Variants in PCDH15 observed in about 807,000 individuals in gnomAD.
The protein encoded by PCDH15 is protocadherin-15.
A neutral mutation model predicts 178.5 loss-of-function variants in PCDH15; 129 were observed. The observed-to-expected ratio is 0.72, with a 90% confidence interval of 0.63 to 0.84. PCDH15 has a LOEUF of 0.84. Among genes scored for constraint, PCDH15 ranks in the 40% least tolerant of loss-of-function variants. The probability of loss-of-function intolerance (pLI) is 0.00; values close to 1 mark genes in which losing one functional copy is unlikely to be tolerated. For synonymous variants in PCDH15, 800 were observed against 732.0 expected (o/e 1.09, Z -1.50); for missense variants, 2,230 against 2,099.9 (o/e 1.06, Z -1.21).
At chr10:54,111,058 G>A (rs1242403762) in intron 15 of PCDH15, among the ~76,000 whole-genome samples, 2 of 152,206 alleles carry the variant, frequency 1.3e-5, no homozygotes, top group East Asian at 3.9e-4. Context: ...ATACTTATTA[G>A]CAGTTTATTG....
chr10:54,044,038 G>A (rs2093606597), intron 18 of PCDH15, among the ~76,000 whole-genome samples: 1 of 152,064 alleles, frequency 6.6e-6, no homozygotes, highest in African/African-American at 2.4e-5. Flanking sequence ...AGTAGAAAAG[G>A]ATTATTCCCA....
intron 14 of PCDH15, among the ~76,000 whole-genome samples, chr10:54,136,285 G>A (rs898256864): frequency 9.9e-5 from 15 of 152,020 alleles, no homozygotes; most frequent in South Asian, 8.3e-4. Flanking sequence ...CTCATGAAAA[G>A]TACAATATGT....
intron 2 of PCDH15, among the ~76,000 whole-genome samples, chr10:55,466,470 G>A (rs1163405302): frequency 2.6e-5 from 4 of 152,072 alleles, no homozygotes; most frequent in Admixed American, 2.0e-4. Context: ...CACTTTCAGC[G>A]CCTACATCCG....
At chr10:55,222,685 A>G (rs1283165925) in intron 1 of PCDH15, among the ~76,000 whole-genome samples, 5 of 144,866 alleles carry the variant, frequency 3.5e-5, no homozygotes, top group African/African-American at 1.3e-4. Context: ...TGTCATCTAC[A>G]AGTAATGATA....
At chr10:55,529,008 G>C (rs1841381969) in intron 2 of PCDH15, among the ~76,000 whole-genome samples, 1 of 151,826 alleles carries the variant, frequency 6.6e-6, no homozygotes, top group Admixed American at 6.6e-5. Context: ...TGTGTTTTTT[G>C]GCTGCATAAA....
At chr10:54,552,717 T>C in intron 2 of PCDH15, among the ~76,000 whole-genome samples, 1 of 152,148 alleles carries the variant, frequency 6.6e-6, no homozygotes, top group African/African-American at 2.4e-5. Flanking sequence ...GTAAAAGTAG[T>C]ATTAACTATT....
chr10:54,263,937 G>A (rs2057498347), intron 8 of PCDH15, among the ~76,000 whole-genome samples: 1 of 152,150 alleles, frequency 6.6e-6, no homozygotes, highest in Non-Finnish European at 1.5e-5. Context: ...GGCAGGAGAA[G>A]ACAGAAGAGC....
At chr10:55,303,630 T>G (rs1468624113) in intron 1 of PCDH15, among the ~76,000 whole-genome samples, 1 of 152,194 alleles carries the variant, frequency 6.6e-6, no homozygotes, top group Non-Finnish European at 1.5e-5. Flanking sequence ...GAGTGAATTT[T>G]GGTAGTTGGT....
At chr10:54,630,067 ACTG>A (rs2093660418) in intron 2 of PCDH15, among the ~76,000 whole-genome samples, 1 of 152,168 alleles carries the variant, frequency 6.6e-6, no homozygotes. Flanking sequence ...ATTACAAAAT[ACTG>A]CTGAATGAAA....
chr10:55,409,207 A>C (rs1359818902), intron 2 of PCDH15, among the ~76,000 whole-genome samples: 2 of 152,092 alleles, frequency 1.3e-5, no homozygotes, highest in Non-Finnish European at 2.9e-5. Flanking sequence ...ATGTGTATAC[A>C]TAAAAAGTGC....
chr10:54,500,940 G>A (rs1237950778), intron 3 of PCDH15, among the ~76,000 whole-genome samples: 1 of 152,058 alleles, frequency 6.6e-6, no homozygotes, highest in Non-Finnish European at 1.5e-5. Context: ...CCTTTGCAGG[G>A]ACATAGATGA....
chr10:55,043,336 G>T (rs1385929487), intron 2 of PCDH15, among the ~76,000 whole-genome samples: 15 of 151,932 alleles, frequency 9.9e-5, no homozygotes, highest in Non-Finnish European at 1.5e-5. Context: ...ATATCTGGAT[G>T]CACTCACCTG....
intron 2 of PCDH15, among the ~76,000 whole-genome samples, chr10:54,594,820 C>T (rs937646714): frequency 8.5e-5 from 13 of 152,132 alleles, no homozygotes; most frequent in African/African-American, 3.1e-4. Flanking sequence ...CATTGGAGGG[C>T]ATATAGTTTG....
chr10:55,618,107 A>G (rs761942764), intron 2 of PCDH15, among the ~76,000 whole-genome samples: 22 of 152,080 alleles, frequency 1.4e-4, no homozygotes, highest in Non-Finnish European at 1.5e-4. Context: ...ATACAATTCT[A>G]GAAGAATCCA....
chr10:55,385,364 T>C (rs2132006611), intron 2 of PCDH15, among the ~76,000 whole-genome samples: 1 of 152,122 alleles, frequency 6.6e-6, no homozygotes, highest in South Asian at 2.1e-4. Context: ...AGTTCAGCCA[T>C]TTCAGTCTAA....
At chr10:54,133,858 T>TACACACACAC (rs142011670) in intron 14 of PCDH15, among the ~76,000 whole-genome samples, 1 of 133,964 alleles carries the variant, frequency 7.5e-6, no homozygotes, top group Admixed American at 7.7e-5. Flanking sequence ...TATGTATACA[T>TACACACACAC]ACACACACAC....
At chr10:55,211,221 A>G (rs12771965) in intron 1 of PCDH15, among the ~76,000 whole-genome samples, 2 of 152,110 alleles carry the variant, frequency 1.3e-5, no homozygotes, top group East Asian at 1.9e-4. Context: ...AAATAACTGG[A>G]TAACATGGAT....
Position 55,063,206 on chromosome 10 carries a change from T to C in PCDH15, c.-80+103370A>G, listed in dbSNP as rs549895076. On this transcript the variant is annotated intron_variant, in intron 2 of 5. Coordinates refer to the PCDH15 transcript ENST00000458638. ...ACTGAAAATGTACATAAGTAGACTC[T>C]CCTAATAATTTTCTGAATAATACTT... Among the ~76,000 whole-genome samples, 5 of 152,208 alleles carry C rather than the reference T, an allele frequency of 3.3e-5. No individual in the cohort carries two copies. The East Asian group carries it at 7.7e-4, about 24-fold the overall frequency.
intron 2 of PCDH15, among the ~76,000 whole-genome samples, chr10:54,997,212 T>C (rs1839671430): frequency 6.6e-6 from 1 of 152,114 alleles, no homozygotes; most frequent in Non-Finnish European, 1.5e-5. Flanking sequence ...AGTTTACCCA[T>C]GTGACCATAT....
Sources: allele counts gnomAD v4.1 joint callset (sites outside exome capture counted in the v4.1 genomes callset), GRCh38; gene constraint gnomAD v4.1.1; transcripts MANE v1.5; gene names NCBI Gene and HGNC (gene_info 2026-07-23, HGNC 2026-07-21).